Variants in PCDHA10 observed in about 807,000 individuals in gnomAD.
PCDHA10 encodes protocadherin alpha-10.
Under a neutral mutation model 61.2 loss-of-function variants are expected in PCDHA10, and 45 were observed. The ratio of observed to expected loss-of-function variants is 0.74; its 90% CI spans 0.58 to 0.94. PCDHA10 has a LOEUF of 0.94. Among genes scored for constraint, PCDHA10 ranks in the 40% least tolerant of loss-of-function variants. The pLI is 0.00. For synonymous variants in PCDHA10, 602 were observed against 548.8 expected (o/e 1.10, Z -1.35); for missense variants, 1,278 against 1,236.2 (o/e 1.03, Z -0.51).
chr5:140,921,215 CT>C (rs2080099389), intron 1 of PCDHA10, among the ~76,000 whole-genome samples: 1 of 151,942 alleles, frequency 6.6e-6, no homozygotes, highest in Admixed American at 6.6e-5. Context: ...TAATTCACGT[CT>C]TTTTTGCTAG....
At chr5:140,909,025 T>C (rs1226589511) in intron 1 of PCDHA10, among the ~76,000 whole-genome samples, 1 of 152,156 alleles carries the variant, frequency 6.6e-6, no homozygotes, top group African/African-American at 2.4e-5. Context: ...TGAATTTTAG[T>C]CATTTATTTT....
chr5:140,928,801 G>T (rs1554206325), intron 1 of PCDHA10: 1 of 1,614,066 alleles, frequency 6.2e-7, no homozygotes, highest in African/African-American at 1.3e-5. Flanking sequence ...GGTGGTGGTA[G>T]TGGTTCGGGA....
chr5:140,995,954 A>G (rs2097705768), intron 3 of PCDHA10, among the ~76,000 whole-genome samples: 1 of 152,226 alleles, frequency 6.6e-6, no homozygotes, highest in South Asian at 2.1e-4. Context: ...TGCACGCAAA[A>G]TGCTTAGAAC....
intron 1 of PCDHA10, among the ~76,000 whole-genome samples, chr5:140,896,143 T>C (rs932166066): frequency 2.6e-5 from 4 of 152,198 alleles, no homozygotes; most frequent in Non-Finnish European, 5.9e-5. Context: ...CAGTGCACCA[T>C]TGATGGGCAT....
chr5:140,882,505 G>A (rs782409687), intron 1 of PCDHA10: 13 of 1,614,168 alleles, frequency 8.1e-6, no homozygotes, highest in South Asian at 2.2e-5. Flanking sequence ...AGGTAAATCT[G>A]CAGAATGGCA....
intron 1 of PCDHA10, chr5:140,863,338 C>T (rs1297413635): frequency 1.3e-5 from 18 of 1,361,566 alleles, no homozygotes; most frequent in Non-Finnish European, 1.8e-5. Flanking sequence ...GCTCACGTTG[C>T]TGCTGTACAC....
intron 3 of PCDHA10, among the ~76,000 whole-genome samples, chr5:140,990,233 G>A (rs782139012): frequency 5.3e-5 from 8 of 152,128 alleles, no homozygotes; most frequent in Non-Finnish European, 8.8e-5. Flanking sequence ...TGTAACTAGC[G>A]TTGTATTCCT....
chr5:140,991,635 T>C (rs1215420696), intron 3 of PCDHA10, among the ~76,000 whole-genome samples: 1 of 152,220 alleles, frequency 6.6e-6, no homozygotes, highest in East Asian at 1.9e-4. Flanking sequence ...GTAATAACAA[T>C]CTGTTCATGA....
At chr5:140,875,372 T>C in intron 1 of PCDHA10, 5 of 1,451,920 alleles carry the variant, frequency 3.4e-6, no homozygotes, top group Non-Finnish European at 4.5e-6. Flanking sequence ...AAAAATTTAC[T>C]AAATATGTAC....
intron 1 of PCDHA10, chr5:140,881,263 G>A: frequency 1.7e-6 from 1 of 575,868 alleles, no homozygotes; most frequent in Non-Finnish European, 2.2e-6. Flanking sequence ...TTTACTCAGT[G>A]ATGATGAAGT....
chr5:140,941,285 T>C (rs1563188656), intron 1 of PCDHA10, among the ~76,000 whole-genome samples: 1 of 119,964 alleles, frequency 8.3e-6, no homozygotes, highest in African/African-American at 2.9e-5. Flanking sequence ...TTCCTTCCTT[T>C]CTCTTTCTTT....
At chr5:140,969,232 C>G in intron 1 of PCDHA10, 1 of 1,614,066 alleles carries the variant, frequency 6.2e-7, no homozygotes, top group Non-Finnish European at 8.5e-7. Flanking sequence ...CTTCGGGAGC[C>G]CAAGCAGCAG....
intron 1 of PCDHA10, chr5:140,868,024 G>A (rs550037758): frequency 2.0e-5 from 3 of 152,200 alleles, no homozygotes; most frequent in South Asian, 4.1e-4. Context: ...GGAAACCAAT[G>A]TTGGTGACTT....
chr5:141,011,662 G>C lies in PCDHA10; in HGVS notation c.*1725G>C, dbSNP rs1166635893. On this transcript the variant is annotated 3_prime_UTR_variant, in exon 4 of 4. Coordinates refer to ENST00000307360, the MANE Select transcript of PCDHA10 (RefSeq NM_018901.4). The stretch of plus-strand genomic sequence containing the variant: ...CAAGACTTCTGCTGGCAAGGGAATG[G>C]ATAAAGCTGTTTTGTTCTAGTAACA... 2.0e-5 allele frequency: 3 copies of C among 153,688 alleles called. No homozygotes were observed. Among genetic ancestry groups the C allele is most frequent in the African/African-American group, 7.2e-5 (3 of 41,414 alleles). The allele number at this position is 153,688 out of a possible 1,614,324, so 9.5% of individuals were successfully genotyped here.
Position 140,856,811 on chromosome 5 carries a change from G to A in PCDHA10, c.763G>A (p.Val255Met). ...TGAAGTTAAGATGTATGAAAATCAA[G>A]TGAACCAAACATTAGTAATACGGCT... ...VYEVKMYENQ[V>M]NQTLVIRLNA... The change falls in exon 1 of 4, where the codon GTG (valine) becomes ATG (methionine). Residue 255 changes from valine to methionine, a missense_variant. Val to Met is a conservative substitution (Grantham distance 21). Transcript: ENST00000307360. 3.8e-6 allele frequency: 6 copies of A among 1,594,886 alleles called. No individual in the cohort carries two copies. The highest frequency in any genetic ancestry group is 5.2e-6 in the Non-Finnish European group (6 of 1,164,854).
intron 1 of PCDHA10, chr5:140,968,020 C>T: frequency 1.2e-6 from 2 of 1,614,202 alleles, no homozygotes; most frequent in Non-Finnish European, 1.7e-6. Flanking sequence ...TTGGAAACTC[C>T]TATACACTGG....
chr5:140,877,341 C>G, intron 1 of PCDHA10: 3 of 1,614,010 alleles, frequency 1.9e-6, no homozygotes, highest in South Asian at 2.2e-5. Flanking sequence ...TCCCGTTCCA[C>G]GTGGGGCTGT....
At chr5:140,882,336 C>A (rs781805621) in intron 1 of PCDHA10, 31 of 1,614,044 alleles carry the variant, frequency 1.9e-5, no homozygotes, top group Non-Finnish European at 2.5e-5. Flanking sequence ...ATCCTCGCAG[C>A]CTGGGAGACG....
chr5:140,903,146 C>A (rs2070035349), intron 1 of PCDHA10, among the ~76,000 whole-genome samples: 1 of 152,178 alleles, frequency 6.6e-6, no homozygotes, highest in South Asian at 2.1e-4. Flanking sequence ...AAACTGTTTT[C>A]CATAGTGGTT....
Sources: gnomAD v4.1 joint callset for allele counts (sites outside exome capture counted in the v4.1 genomes callset) on GRCh38, gnomAD v4.1.1 for gene constraint, MANE v1.5 for transcripts, NCBI Gene and HGNC (gene_info 2026-07-23, HGNC 2026-07-21) for gene names.